STX8: variants seen among roughly 807,000 people sequenced by gnomAD.
STX8 encodes the protein syntaxin 8, also known as syntaxin-8.
In STX8, 23 loss-of-function variants were observed where a neutral mutation model predicts 37.5. The observed-to-expected ratio is 0.61, with a 90% CI of 0.44 to 0.87. The LOEUF is 0.87. STX8 is among the 40% of genes least tolerant of loss of function. The pLI is 0.00. For synonymous variants in STX8, 115 were observed against 99.1 expected (o/e 1.16, Z -0.95); for missense variants, 313 against 284.7 (o/e 1.10, Z -0.71).
In STX8 at chr17:9,338,048, A is replaced by ATTTT. The variant is rs972471091; in HGVS notation, c.643+40500_643+40503dup. Among the ~76,000 whole-genome samples, 40 of 107,892 alleles carry ATTTT rather than the reference A, an allele frequency of 3.7e-4. 3 individuals carry two copies. The highest frequency in any genetic ancestry group is 1.3e-3 in the African/African-American group (35 of 27,456). 70.8% of individuals were successfully genotyped at this position (107,892 alleles called of 152,430 possible). A position where few individuals can be genotyped will look rare whatever the true frequency, so the allele number is the denominator to read the frequency against. The stretch of plus-strand genomic sequence containing the variant: ...GAGGGCTTTGGGGCACCTCTGAAGG[A>ATTTT]TTTTTTTTTTTTTTTTTTTTTTGAG... On this transcript the variant is annotated intron_variant, in intron 7 of 7. Coordinates refer to ENST00000306357, the MANE Select transcript of STX8 (RefSeq NM_004853.3).
chr17:9,488,955 C>T (rs1906731465), intron 6 of STX8, among the ~76,000 whole-genome samples: 1 of 152,150 alleles, frequency 6.6e-6, no homozygotes, highest in South Asian at 2.1e-4. Context: ...CAGCTCACTG[C>T]AACCCCTGCC....
chr17:9,560,366 C>A (rs1907178528), intron 2 of STX8, among the ~76,000 whole-genome samples: 1 of 130,622 alleles, frequency 7.7e-6, no homozygotes, highest in African/African-American at 2.7e-5. Flanking sequence ...CCACTGTATT[C>A]CAGCCTGGGC....
At chr17:9,545,434 C>T (rs1906466054) in intron 3 of STX8, 152 bp from the exon 4 acceptor site, 2 of 598,076 alleles carry the variant, frequency 3.3e-6, no homozygotes, top group Non-Finnish European at 5.9e-6. Context: ...GTTTTTCCTG[C>T]TCTGACCTTC....
At chr17:9,343,006 G>A (rs185631902) in intron 7 of STX8, among the ~76,000 whole-genome samples, 1 of 119,540 alleles carries the variant, frequency 8.4e-6, no homozygotes, top group Non-Finnish European at 1.6e-5. Flanking sequence ...GGTGACAAGA[G>A]TGAAACTGTC....
chr17:9,384,582 G>C (rs547213154), intron 6 of STX8, among the ~76,000 whole-genome samples: 2 of 151,916 alleles, frequency 1.3e-5, no homozygotes, highest in South Asian at 2.1e-4. Flanking sequence ...AGCTTGCAGA[G>C]AGCCAAGAAA....
chr17:9,532,847 G>A (rs772540908), intron 4 of STX8, among the ~76,000 whole-genome samples: 16 of 151,898 alleles, frequency 1.1e-4, no homozygotes, highest in East Asian at 1.9e-4. Flanking sequence ...TTAGTTAAGC[G>A]TATTACCCTA....
At chr17:9,293,059 T>C (rs1318088649) in intron 7 of STX8, among the ~76,000 whole-genome samples, 1 of 152,188 alleles carries the variant, frequency 6.6e-6, no homozygotes, top group African/African-American at 2.4e-5. Flanking sequence ...ACCAATATTA[T>C]TGAATTGGGT....
intron 7 of STX8, among the ~76,000 whole-genome samples, chr17:9,309,452 C>T (rs192862167): frequency 2.5e-4 from 38 of 152,152 alleles, no homozygotes; most frequent in African/African-American, 7.2e-4. Flanking sequence ...CCTTGCAATG[C>T]GGTGGGAGGG....
chr17:9,538,899 AATTGTGAG>A (rs1276727152), intron 4 of STX8, among the ~76,000 whole-genome samples: 1 of 152,068 alleles, frequency 6.6e-6, no homozygotes, highest in Non-Finnish European at 1.5e-5. Context: ...AGATTTAACT[AATTGTGAG>A]ATTTAGCAAT....
intron 3 of STX8, among the ~76,000 whole-genome samples, chr17:9,549,039 A>C (rs1274297874): frequency 6.6e-6 from 1 of 152,200 alleles, no homozygotes; most frequent in African/African-American, 2.4e-5. Flanking sequence ...TTATAGTCAA[A>C]GGAATTTTAT....
chr17:9,537,450 T>C (rs1025442897), intron 4 of STX8, among the ~76,000 whole-genome samples: 10 of 152,144 alleles, frequency 6.6e-5, no homozygotes, highest in African/African-American at 1.2e-4. Context: ...AGCCCAGAGA[T>C]GGAAGCAACC....
At chr17:9,363,493 T>C (rs1031713506) in intron 7 of STX8, among the ~76,000 whole-genome samples, 2 of 152,204 alleles carry the variant, frequency 1.3e-5, no homozygotes, top group African/African-American at 4.8e-5. Flanking sequence ...ACTTTGAGTA[T>C]GCAAAACTAA....
intron 7 of STX8, among the ~76,000 whole-genome samples, chr17:9,292,830 T>G (rs952027076): frequency 6.6e-6 from 1 of 152,186 alleles, no homozygotes; most frequent in Non-Finnish European, 1.5e-5. Context: ...GAATGTGCTC[T>G]GCAGTTCCCA....
At chr17:9,378,756 A>G in intron 6 of STX8, 103 bp from the exon 7 acceptor site, 1 of 857,184 alleles carries the variant, frequency 1.2e-6, no homozygotes. Context: ...TCTCGAGTGC[A>G]GTAACTGAAA....
chr17:9,416,987 ACT>A (rs1913221752), intron 6 of STX8, among the ~76,000 whole-genome samples: 3 of 152,108 alleles, frequency 2.0e-5, no homozygotes, highest in Admixed American at 2.0e-4. Context: ...GTGACTCATG[ACT>A]CAGCGGGTCC....
intron 2 of STX8, among the ~76,000 whole-genome samples, chr17:9,561,290 T>G (rs115430907): frequency 6.6e-6 from 1 of 152,084 alleles, no homozygotes; most frequent in Non-Finnish European, 1.5e-5. Context: ...ATCAAGTTAA[T>G]AGAGAAAGCA....
At chr17:9,442,124 C>A in intron 6 of STX8, among the ~76,000 whole-genome samples, 1 of 152,228 alleles carries the variant, frequency 6.6e-6, no homozygotes, top group Non-Finnish European at 1.5e-5. Flanking sequence ...TCTCACTTTA[C>A]CGCCACACAC....
At chr17:9,309,377 T>G (rs913168657) in intron 7 of STX8, among the ~76,000 whole-genome samples, 4 of 152,162 alleles carry the variant, frequency 2.6e-5, no homozygotes, top group African/African-American at 9.7e-5. Context: ...ACTCAGGGCT[T>G]CTTCTTGAAA....
At chr17:9,317,562 G>A (rs904811520) in intron 7 of STX8, among the ~76,000 whole-genome samples, 5 of 152,076 alleles carry the variant, frequency 3.3e-5, no homozygotes, top group Admixed American at 2.0e-4. Context: ...GCAGGAGATC[G>A]AGACCATCCT....
Sources: allele counts gnomAD v4.1 joint callset (sites outside exome capture counted in the v4.1 genomes callset), GRCh38; gene constraint gnomAD v4.1.1; transcripts MANE v1.5; gene names NCBI Gene and HGNC (gene_info 2026-07-23, HGNC 2026-07-21).